The following NEDD1 variants were observed in gnomAD, a reference collection of about 807,000 sequenced individuals.
NEDD1 encodes the protein protein NEDD1.
In NEDD1, 33 loss-of-function variants were observed where a neutral mutation model predicts 74.0. The ratio of observed to expected loss-of-function variants is 0.45; its 90% CI spans 0.34 to 0.60. The LOEUF is 0.60. NEDD1 is among the 20% of genes least tolerant of loss of function. The pLI, the probability that NEDD1 is intolerant of heterozygous loss-of-function variation, is 0.01. For synonymous variants in NEDD1, 250 were observed against 264.4 expected (o/e 0.95, Z 0.53); for missense variants, 746 against 776.5 (o/e 0.96, Z 0.47).
At chr12:96,923,463 G>A (rs1477198649) in intron 6 of NEDD1, among the ~76,000 whole-genome samples, 2 of 152,102 alleles carry the variant, frequency 1.3e-5, no homozygotes, top group East Asian at 3.9e-4. Context: ...GTGAAATCCA[G>A]CTGGCTGTGA....
At position 96,916,071 on chromosome 12, in the gene NEDD1, T is replaced by C. The variant is rs377251687; in HGVS notation, c.232-1550T>C. 2.0e-5 allele frequency among the ~76,000 whole-genome samples: 3 copies of C among 151,814 alleles called. No homozygotes were observed. The South Asian group carries it at 6.2e-4, about 32-fold the overall frequency. ...CTGTGTAGAAGCCTTGAGGCAAATA[T>C]AGGGTTGTATATTTAAGGAATGGAA... On this transcript the variant is annotated intron_variant, in intron 4 of 15. Transcript: ENST00000266742.
At position 96,913,866 on chromosome 12, in the gene NEDD1, A is replaced by T. The variant is rs146599403; in HGVS notation, c.231+1049A>T. On this transcript the variant is annotated intron_variant, in intron 4 of 15. Transcript: ENST00000266742. ...ATCTTAAATTATTATGAATTGTCAT[A>T]ATTTTACACACTGGGATAGGTAAAG... Among the ~76,000 whole-genome samples, 9 of 152,262 alleles carry T rather than the reference A, an allele frequency of 5.9e-5. No homozygotes were observed. In the East Asian group the frequency reaches 1.7e-3, roughly 29 times the overall value.
chr12:96,951,927 A>C (rs755638889), intron 15 of NEDD1, 22 bp from the exon 16 acceptor site: 2 of 1,251,472 alleles, frequency 1.6e-6, no homozygotes, highest in Non-Finnish European at 2.3e-6. Context: ...ATAATTTAAA[A>C]AGCATTTTCC....
intron 6 of NEDD1, among the ~76,000 whole-genome samples, chr12:96,927,870 T>C (rs1042224761): frequency 2.0e-5 from 3 of 152,162 alleles, no homozygotes; most frequent in Admixed American, 2.0e-4. Context: ...CTACAAAGAC[T>C]TTTTATCTAG....
chr12:96,950,699 A>C (rs1478470852), intron 14 of NEDD1, among the ~76,000 whole-genome samples: 1 of 151,940 alleles, frequency 6.6e-6, no homozygotes, highest in African/African-American at 2.4e-5. Flanking sequence ...TTCTTTGTCC[A>C]ACAAAATTCA....
chr12:96,948,957 A>C (rs1398666129), intron 14 of NEDD1, among the ~76,000 whole-genome samples: 1 of 152,186 alleles, frequency 6.6e-6, no homozygotes, highest in Admixed American at 6.6e-5. Flanking sequence ...CTTAGAAGTC[A>C]ACAGATGTCT....
intron 14 of NEDD1, among the ~76,000 whole-genome samples, chr12:96,946,373 TTTATC>T (rs1429424499): frequency 6.6e-6 from 1 of 152,146 alleles, no homozygotes; most frequent in African/African-American, 2.4e-5. Flanking sequence ...GCTGCTTTCT[TTTATC>T]ATCTCAATAT....
At position 96,916,975 on chromosome 12, in the gene NEDD1, G is replaced by T. The variant is rs574351953; in HGVS notation, c.232-646G>T. 6.6e-5 allele frequency among the ~76,000 whole-genome samples: 10 copies of T among 152,288 alleles called. 1 individual carries two copies. Among genetic ancestry groups the T allele is most frequent in the African/African-American group, 2.4e-4 (10 of 41,562 alleles). On this transcript the variant is annotated intron_variant, in intron 4 of 15. Coordinates refer to ENST00000266742, the MANE Select transcript of NEDD1 (RefSeq NM_152905.4). ...TTGGAGTTTAGAGAGCTTACTGATA[G>T]ATTGGAGGGGAGGGAGAACAAGAAA... is the stretch of plus-strand genomic sequence containing the variant.
chr12:96,917,650 T>A lies in NEDD1; in HGVS notation c.261T>A (p.Ser87=). The change falls in exon 5 of 16, where the codon TCT becomes TCA. Residue 87 remains serine (S), a synonymous_variant. Transcript: ENST00000266742. ...GQKQTCVNLN[S]TSMYLVSGGL... ...AGCAGACATGTGTCAATTTAAATTC[T>A]ACATCTATGTATTTGGTAAGCGGAG... The A allele has an allele frequency of 6.5e-7, 1 of 1,540,768 alleles. No individual in the cohort carries two copies. The highest frequency in any genetic ancestry group is 2.4e-5 in the East Asian group (1 of 41,844).
intron 6 of NEDD1, among the ~76,000 whole-genome samples, chr12:96,926,350 T>C (rs1875689278): frequency 6.6e-6 from 1 of 152,284 alleles, no homozygotes; most frequent in Non-Finnish European, 1.5e-5. Context: ...AACAAATGGT[T>C]ATATTTGTTT....
At chr12:96,912,475 C>G (rs12580563) in intron 3 of NEDD1, 3,374 of 302,634 alleles carry the variant, frequency 0.011, 175 homozygotes, top group East Asian at 0.099. Flanking sequence ...TAGTATTTCA[C>G]GTGGGTTAAA....
At chr12:96,929,113 A>G (rs1171797311) in intron 6 of NEDD1, among the ~76,000 whole-genome samples, 1 of 151,390 alleles carries the variant, frequency 6.6e-6, no homozygotes, top group Non-Finnish European at 1.5e-5. Context: ...TTCTTTGCTT[A>G]TCTTCAGTGG....
intron 6 of NEDD1, among the ~76,000 whole-genome samples, chr12:96,923,788 T>TGTGTGTGTGTGTGTG (rs1875373530): frequency 1.4e-5 from 2 of 142,250 alleles, no homozygotes; most frequent in East Asian, 2.1e-4. Flanking sequence ...TAATACCTGT[T>TGTGTGTGTGTGTGTG]TGTGTGTGTG....
chr12:96,936,663 C>G lies in NEDD1; in HGVS notation c.772C>G (p.Pro258Ala). 2 of 1,613,702 alleles carry G rather than the reference C, an allele frequency of 1.2e-6. No homozygotes were observed. The highest frequency in any genetic ancestry group is 1.7e-6 in the Non-Finnish European group (2 of 1,179,706). Residue 258 changes from proline to alanine, a missense_variant, in exon 8 of 16, where the codon CCT becomes GCT. By Grantham distance (27) the Pro-to-Ala change is conservative. Around this residue, in one of 3 missense-constraint regions of NEDD1, gnomAD observed 706 missense variants for 706.7 expected, o/e 1.00. Transcript: ENST00000266742. ...DTPLTAVDFM[P>A]DGATLAIGSS... ...TCCTCTAACTGCGGTAGATTTCATG[C>G]CTGATGGAGCCACTTTGGCTATTGG...
chr12:96,920,498 G>A (rs1217942048), intron 6 of NEDD1, among the ~76,000 whole-genome samples: 1 of 152,138 alleles, frequency 6.6e-6, no homozygotes, highest in African/African-American at 2.4e-5. Flanking sequence ...CATAAATACT[G>A]TTTTGTGGAC....
chr12:96,917,559 A>G, intron 4 of NEDD1, 62 bp from the exon 5 acceptor site: 4 of 1,451,014 alleles, frequency 2.8e-6, no homozygotes, highest in Non-Finnish European at 3.6e-6. Flanking sequence ...GTTGGATGAG[A>G]CCTGAAAGTC....
intron 3 of NEDD1, among the ~76,000 whole-genome samples, chr12:96,911,314 T>C (rs2136507762): frequency 6.6e-6 from 1 of 152,372 alleles, no homozygotes; most frequent in South Asian, 2.1e-4. Context: ...TTTACTGATG[T>C]GCTACTTAAT....
intron 6 of NEDD1, among the ~76,000 whole-genome samples, chr12:96,933,522 A>G (rs1876769197): frequency 6.6e-6 from 1 of 152,146 alleles, no homozygotes; most frequent in Non-Finnish European, 1.5e-5. Flanking sequence ...ATTCAAGTGG[A>G]TATACTTTTT....
chr12:96,949,591 T>C (rs1878516634), intron 14 of NEDD1, among the ~76,000 whole-genome samples: 1 of 152,060 alleles, frequency 6.6e-6, no homozygotes, highest in African/African-American at 2.4e-5. Context: ...AATCTAAGAA[T>C]AACTAAGACA....
Sources: gnomAD v4.1 joint callset for allele counts (sites outside exome capture counted in the v4.1 genomes callset) on GRCh38, gnomAD v4.1.1 for gene constraint, gnomAD v4.1.1 regional missense constraint, MANE v1.5 for transcripts, NCBI Gene and HGNC (gene_info 2026-07-23, HGNC 2026-07-21) for gene names.